FADS3: variants seen among roughly 807,000 people sequenced by gnomAD.
FADS3 encodes the protein cytochrome b5-related protein.
FADS3 carries 30 observed loss-of-function variants against 60.4 expected under a neutral mutation model. That is an observed-to-expected ratio of 0.50 (90% CI 0.37 to 0.67). The LOEUF is 0.67. Among genes scored for constraint, FADS3 ranks in the 30% least tolerant of loss-of-function variants. The pLI is 0.00. For missense variants in FADS3, 432 were observed against 598.3 expected (o/e 0.72, Z 2.90); for synonymous variants, 234 against 249.3 (o/e 0.94, Z 0.58).
intron 1 of FADS3, among the ~76,000 whole-genome samples, chr11:61,886,787 C>T (rs914538536): frequency 6.6e-6 from 1 of 152,210 alleles, no homozygotes; most frequent in Non-Finnish European, 1.5e-5. Flanking sequence ...CATCTAAACC[C>T]CTCAGAACAG....
Position 61,891,517 on chromosome 11 carries a change from C to G in FADS3, c.-136G>C, listed in dbSNP as rs956653835. ...GGCCCCGCCCTGCCGCCGCGGCCGCCGTACGAGCGAGCGTGCGCCTCCCGG... is the reference window on the plus strand; with the variant it reads ...GGCCCCGCCCTGCCGCCGCGGCCGCGGTACGAGCGAGCGTGCGCCTCCCGG... On this transcript the variant is annotated 5_prime_UTR_variant, in exon 1 of 12. Coordinates refer to ENST00000278829, the MANE Select transcript of FADS3 (RefSeq NM_021727.5). 1 of 521,576 alleles carries G rather than the reference C, an allele frequency of 1.9e-6. No homozygotes were observed. Among genetic ancestry groups the G allele is most frequent in the Non-Finnish European group, 2.8e-6 (1 of 351,580 alleles). The allele number at this position is 521,576 out of a possible 1,614,324, so 32.3% of individuals were successfully genotyped here.
At chr11:61,890,767 G>A (rs1436071367) in intron 1 of FADS3, among the ~76,000 whole-genome samples, 1 of 152,192 alleles carries the variant, frequency 6.6e-6, no homozygotes, top group Non-Finnish European at 1.5e-5. Flanking sequence ...AGCCTCTAAT[G>A]GCATGTCCTT....
chr11:61,878,934 G>T, intron 3 of FADS3, 87 bp from the exon 4 acceptor site: 1 of 1,076,284 alleles, frequency 9.3e-7, no homozygotes, highest in Non-Finnish European at 1.4e-6. Context: ...CAGCTTGCAG[G>T]GTACCCCCGT....
chr11:61,883,446 G>GAC (rs1226636429), intron 1 of FADS3, among the ~76,000 whole-genome samples: 2 of 152,072 alleles, frequency 1.3e-5, no homozygotes, highest in African/African-American at 4.8e-5. Flanking sequence ...AAACTCCCCA[G>GAC]ACACACACGC....
chr11:61,875,999 G>A, intron 10 of FADS3, 23 bp from the exon 11 acceptor site: 4 of 1,613,310 alleles, frequency 2.5e-6, no homozygotes, highest in Non-Finnish European at 3.4e-6. Flanking sequence ...AGCGTATGCT[G>A]GCACCTGAAG....
At position 61,873,881 on chromosome 11, in the gene FADS3, G is replaced by T. The variant is rs758853166; in HGVS notation, c.1287-16C>A. The T allele has an allele frequency of 6.3e-7, 1 of 1,580,860 alleles. No homozygotes were observed. Among genetic ancestry groups the T allele is most frequent in the Non-Finnish European group, 8.7e-7 (1 of 1,155,238 alleles). On this transcript the variant is annotated splice_polypyrimidine_tract_variant and intron_variant, in intron 11 of 11. Coordinates refer to ENST00000278829, the MANE Select transcript of FADS3 (RefSeq NM_021727.5). Reference sequence around the variant, plus strand: ...CTTCAGGGACCTGGGAGGTGGGGGTGGCAGTGGGGGTGGGTGTTAGGAGCT... The same window carrying T: ...CTTCAGGGACCTGGGAGGTGGGGGTTGCAGTGGGGGTGGGTGTTAGGAGCT...
At chr11:61,884,816 G>A (rs112427447) in intron 1 of FADS3, among the ~76,000 whole-genome samples, 165 of 152,298 alleles carry the variant, frequency 1.1e-3, no homozygotes, top group African/African-American at 3.8e-3. Flanking sequence ...ATCGGGTACC[G>A]GAGCAGAGCT....
At chr11:61,888,958 C>T (rs754096463) in intron 1 of FADS3, among the ~76,000 whole-genome samples, 20 of 152,192 alleles carry the variant, frequency 1.3e-4, no homozygotes, top group East Asian at 9.6e-4. Context: ...TGCAATGGCG[C>T]GATCTCGGCT....
chr11:61,876,972 G>GAGGT lies in FADS3; in HGVS notation c.886-10_886-9insACCT. 6.3e-7 allele frequency: 1 copy of GAGGT among 1,582,542 alleles called. No individual in the cohort carries two copies. On this transcript the variant is annotated splice_polypyrimidine_tract_variant and intron_variant, in intron 7 of 11. Transcript: ENST00000278829. The surrounding 1 kb of genome is among the most constrained non-coding windows in gnomAD (Gnocchi z 5.7). The stretch of plus-strand genomic sequence containing the variant: ...GCGGCCCAGAGCAAATCCTGCAGAG[G>GAGGT]AGGGCAGAGGCGATACCGAGAGGTC...
chr11:61,874,323 G>T (rs1937790577), intron 11 of FADS3, among the ~76,000 whole-genome samples: 1 of 152,222 alleles, frequency 6.6e-6, no homozygotes, highest in Admixed American at 6.5e-5. Flanking sequence ...AAATGGCAGG[G>T]GCTCAGAGCA....
rs562871634 is a variant in FADS3 at position 61,889,208 on chromosome 11, T to A, written c.213+1961A>T. On this transcript the variant is annotated intron_variant, in intron 1 of 11. Coordinates refer to ENST00000278829, the MANE Select transcript of FADS3 (RefSeq NM_021727.5). ...CACAGCGCTCGGCCTGAGATGTTTT[T>A]AAAACAGATATTATTGGCTGCGAAT... 4.6e-5 allele frequency among the ~76,000 whole-genome samples: 7 copies of A among 152,242 alleles called. No homozygotes were observed. In the East Asian group the frequency reaches 1.4e-3, roughly 30 times the overall value.
Position 61,891,471 on chromosome 11 carries a change from T to A in FADS3, c.-90A>T. The A allele has an allele frequency of 6.5e-6, 6 of 920,878 alleles. No homozygotes were observed. Among genetic ancestry groups the A allele is most frequent in the Non-Finnish European group, 8.6e-6 (6 of 698,510 alleles). 57.0% of individuals were successfully genotyped at this position (920,878 alleles called of 1,614,324 possible). On this transcript the variant is annotated 5_prime_UTR_variant, in exon 1 of 12. Transcript: ENST00000278829. The stretch of plus-strand genomic sequence containing the variant: ...GCGAAGAGCGCTCCCGGGCGCCGCC[T>A]CCGCCGCCGCCCGCTGCTCCGGCCC...
chr11:61,877,743 T>TC lies in FADS3; in HGVS notation c.809-157dup. Reference sequence around the variant, plus strand: ...ACCCCATATCACCCCCAATTCTGTGTCCAAGCCTCCCCAGGCTGCCCTTAC... The same window carrying TC: ...ACCCCATATCACCCCCAATTCTGTGTCCCAAGCCTCCCCAGGCTGCCCTTAC... On this transcript the variant is annotated intron_variant, in intron 6 of 11. Coordinates refer to ENST00000278829, the MANE Select transcript of FADS3 (RefSeq NM_021727.5). The surrounding 1 kb of genome is among the most constrained non-coding windows in gnomAD (Gnocchi z 4.7). 7 of 686,706 alleles carry TC rather than the reference T, an allele frequency of 1.0e-5. No individual in the cohort carries two copies. In the South Asian group the frequency reaches 1.2e-4, roughly 12 times the overall value. 42.5% of individuals were successfully genotyped at this position (686,706 alleles called of 1,614,324 possible). A position where few individuals can be genotyped will look rare whatever the true frequency, so the allele number is the denominator to read the frequency against.
At chr11:61,887,547 C>A (rs575134575) in intron 1 of FADS3, among the ~76,000 whole-genome samples, 99 of 152,324 alleles carry the variant, frequency 6.5e-4, no homozygotes, top group African/African-American at 2.2e-3. Context: ...CCAGCCCGGC[C>A]GCCTCTAGAC....
At chr11:61,878,676 G>A (rs756606931) in intron 4 of FADS3, 42 bp from the exon 5 acceptor site, 20 of 1,612,758 alleles carry the variant, frequency 1.2e-5, no homozygotes, top group South Asian at 2.2e-5. Context: ...CTGTGCCCCC[G>A]ACTGTGCCCA....
At chr11:61,885,837 C>T (rs1591200433) in intron 1 of FADS3, among the ~76,000 whole-genome samples, 2 of 152,098 alleles carry the variant, frequency 1.3e-5, no homozygotes, top group African/African-American at 2.4e-5. Flanking sequence ...TCAAAGGACA[C>T]CCCCAGGACA....
rs573487168 is a variant in FADS3 at position 61,877,301 on chromosome 11, A to AC, written c.885+209dup. 4,185 of 126,362 alleles carry AC rather than the reference A, an allele frequency of 0.033. 159 individuals carry two copies. The highest frequency in any genetic ancestry group is 0.15 in the African/African-American group (3,149 of 21,238). 7.8% of individuals were successfully genotyped at this position (126,362 alleles called of 1,614,324 possible). A position where few individuals can be genotyped will look rare whatever the true frequency, so the allele number is the denominator to read the frequency against. ...AGACCCACACCCCCCCTGTTCCTCAACCCCCCCCCACCACACGTACAGTCA... is the reference window on the plus strand; with the variant it reads ...AGACCCACACCCCCCCTGTTCCTCAACCCCCCCCCCACCACACGTACAGTCA... On this transcript the variant is annotated intron_variant, in intron 7 of 11. Coordinates refer to ENST00000278829, the MANE Select transcript of FADS3 (RefSeq NM_021727.5). The surrounding 1 kb of genome is among the most constrained non-coding windows in gnomAD (Gnocchi z 4.7).
At chr11:61,878,719 C>G (rs776294841) in intron 4 of FADS3, 27 bp downstream of exon 4, 3 of 1,612,942 alleles carry the variant, frequency 1.9e-6, no homozygotes, top group South Asian at 2.2e-5. Context: ...CACCCAGCAC[C>G]TGGCTGACCA....
chr11:61,876,273 G>C lies in FADS3; in HGVS notation c.1081-83C>G, dbSNP rs1035640200. 1 of 1,578,564 alleles carries C rather than the reference G, an allele frequency of 6.3e-7. No homozygotes were observed. Among genetic ancestry groups the C allele is most frequent in the East Asian group, 2.3e-5 (1 of 43,720 alleles). On this transcript the variant is annotated intron_variant, in intron 9 of 11. Transcript: ENST00000278829. The surrounding 1 kb of genome is among the most constrained non-coding windows in gnomAD (Gnocchi z 5.7). ...GCACCATCCCCCACCTGGCAGCCCC[G>C]TCAGGGCCTCATCCCTGCTTTGCCA...
Sources: gnomAD v4.1 joint callset for allele counts (sites outside exome capture counted in the v4.1 genomes callset) on GRCh38, gnomAD v4.1.1 for gene constraint, Gnocchi (gnomAD v3.1) non-coding constraint, MANE v1.5 for transcripts, NCBI Gene and HGNC (gene_info 2026-07-23, HGNC 2026-07-21) for gene names.